Variants in COMMD5 observed in about 807,000 individuals in gnomAD.
The protein encoded by COMMD5 is COMM domain containing 5, also known as COMM domain-containing protein 5.
COMMD5 carries 10 observed loss-of-function variants against 6.9 expected under a neutral mutation model. That is an observed-to-expected ratio of 1.44 (90% CI 0.89 to 2.45). The LOEUF is 2.45. Among genes scored for constraint, COMMD5 ranks in the 30% most tolerant of loss-of-function variants. The pLI is 0.00. For missense variants in COMMD5, 234 were observed against 287.8 expected (o/e 0.81, Z 1.35); for synonymous variants, 127 against 125.3 (o/e 1.01, Z -0.09).
rs542013865 is a variant in COMMD5 at position 144,851,106 on chromosome 8, G to A, written c.233C>T (p.Pro78Leu). 10 of 1,612,008 alleles carry A rather than the reference G, an allele frequency of 6.2e-6. No individual in the cohort carries two copies. Among genetic ancestry groups the A allele is most frequent in the Admixed American group, 1.7e-5 (1 of 59,974 alleles). The stretch of plus-strand genomic sequence containing the variant: ...CAGCAGGGCACCCAGCTGCTCCTCC[G>A]GCAGGTTGGCGCTGACCCCAAGACG... The part of the protein sequence containing the change: ...VQRLGVSANL[P>L]EEQLGALLAG... The change falls in exon 2 of 2, where the codon CCG becomes CTG. Residue 78 changes from proline to leucine, a missense_variant. Pro to Leu is a moderately conservative substitution (Grantham distance 98). Coordinates refer to ENST00000305103, the MANE Select transcript of COMMD5 (RefSeq NM_014066.4).
Position 144,851,031 on chromosome 8 carries a change from C to A in COMMD5, c.308G>T (p.Ser103Ile), listed in dbSNP as rs1030080511. ...LQQALRLPPTSLKPDTFRDQL... is the reference protein window; with the variant it reads ...LQQALRLPPTILKPDTFRDQL... ...GTCCCTGAAGGTGTCAGGCTTCAGG[C>A]TGGTGGGGGGCAGACGGAGGGCCTG... Residue 103 changes from serine to isoleucine, a missense_variant, in exon 2 of 2, where the codon AGC (serine) becomes ATC (isoleucine). Physicochemically the swap from Ser to Ile is moderately radical, Grantham distance 142. Transcript: ENST00000305103. The A allele has an allele frequency of 1.2e-6, 2 of 1,612,618 alleles. No homozygotes were observed. Among genetic ancestry groups the A allele is most frequent in the Non-Finnish European group, 1.7e-6 (2 of 1,179,818 alleles).
rs1830722481 is a variant in COMMD5, at chr8:144,851,127, AG to A, written c.211del (p.Val73SerfsTer32). Reference protein sequence around the residue: ...GEDCREAVQRLGVSANLPEEQ... With the variant: ...GEDCREAVQRXGVSANLPEEQ... ...CTCCGGCAGGTTGGCGCTGACCCCA[AG>A]ACGCTGCACAGCCTCTCGGCAGTCC... On this transcript the variant is annotated frameshift_variant, in exon 2 of 2. Coordinates refer to ENST00000305103, the MANE Select transcript of COMMD5 (RefSeq NM_014066.4). LOFTEE classifies it high-confidence loss of function. 6.2e-7 allele frequency: 1 copy of A among 1,612,920 alleles called. No homozygotes were observed.
intron 1 of COMMD5, chr8:144,841,930 G>A (rs1829975402): frequency 6.2e-7 from 1 of 1,614,184 alleles, no homozygotes; most frequent in Non-Finnish European, 8.5e-7. Context: ...CCACACGGGA[G>A]AGAAACCCTT....
At chr8:144,839,261 C>G (rs190627835), downstream of COMMD5, among the ~76,000 whole-genome samples, 3 of 152,358 alleles carry the variant, frequency 2.0e-5, no homozygotes, top group African/African-American at 7.2e-5. Context: ...CTTCAAAGGA[C>G]AAGGAGGGTT....
intron 1 of COMMD5, 149 bp from the exon 2 acceptor site, chr8:144,851,544 G>GC: frequency 1.6e-6 from 1 of 625,918 alleles, no homozygotes; most frequent in Non-Finnish European, 2.7e-6. Flanking sequence ...GAAGCAGGTG[G>GC]CAGAGGGGTC....
In COMMD5 at chr8:144,851,321, A is replaced by C. The variant is rs768555326; in HGVS notation, c.18T>G (p.Ala6=). The C allele has an allele frequency of 1.4e-5, 23 of 1,609,580 alleles. 1 individual carries two copies. Among genetic ancestry groups the C allele is most frequent in the Non-Finnish European group, 1.4e-5 (16 of 1,176,846 alleles). The change falls in exon 2 of 2, where the codon GCT becomes GCG. Residue 6 remains alanine, a synonymous_variant. Transcript: ENST00000305103. ...CAGGATGATGCAGGTATGGAGTTGC[A>C]GCCCCCACAGCAGACATTGCTGCTG... is the stretch of plus-strand genomic sequence containing the variant. The part of the protein sequence containing the change: MSAVG[A]ATPYLHHPGD...
downstream of COMMD5, among the ~76,000 whole-genome samples, chr8:144,839,081 C>T (rs1192404449): frequency 1.2e-4 from 3 of 25,770 alleles, no homozygotes; most frequent in African/African-American, 4.8e-4. Context: ...GGGGCTGTGA[C>T]CTTACTTCCA....
At chr8:144,842,135 T>G (rs1830011706) in intron 1 of COMMD5, 1 of 1,613,988 alleles carries the variant, frequency 6.2e-7, no homozygotes, top group Admixed American at 1.7e-5. Context: ...GGGAAAGCCT[T>G]CAGCCAGCAG....
At chr8:144,838,316 G>A (rs1469671589), downstream of COMMD5, 2 of 585,448 alleles carry the variant, frequency 3.4e-6, no homozygotes, top group African/African-American at 3.7e-5. Flanking sequence ...TTCCAAACAA[G>A]GTCACATTCT....
At position 144,850,463 on chromosome 8, in the gene COMMD5, G is replaced by A; in HGVS notation, c.*201C>T. On this transcript the variant is annotated 3_prime_UTR_variant, in exon 2 of 2. Transcript: ENST00000305103. This position sits in a 1 kb window ranked among gnomAD's most constrained non-coding sequence, Gnocchi z 4.0. ...ACTCACCTATAGAAACATGTTTTTA[G>A]CTGCTTTACTTCCAAAAAGAAAAAA... 1.6e-6 allele frequency: 1 copy of A among 619,724 alleles called. No individual in the cohort carries two copies. The highest frequency in any genetic ancestry group is 2.7e-6 in the Non-Finnish European group (1 of 364,946). The allele number at this position is 619,724 out of a possible 1,614,324, so 38.4% of individuals were successfully genotyped here. A position where few individuals can be genotyped will look rare whatever the true frequency, so the allele number is the denominator to read the frequency against.
upstream of COMMD5, chr8:144,853,211 GTTTTT>G (rs111392496): frequency 1.4e-5 from 2 of 147,874 alleles, no homozygotes; most frequent in African/African-American, 4.9e-5. Flanking sequence ...GTCTTAGACA[GTTTTT>G]TTTTTTTCTT....
At chr8:144,838,203 G>C, downstream of COMMD5, 1 of 698,308 alleles carries the variant, frequency 1.4e-6, no homozygotes, top group Non-Finnish European at 2.6e-6. Context: ...CTCCCTGCGT[G>C]TCTGTGTTCA....
Position 144,851,073 on chromosome 8 carries a change from A to G in COMMD5, c.266T>C (p.Met89Thr), listed in dbSNP as rs748932588. 6.2e-6 allele frequency: 10 copies of G among 1,612,214 alleles called. No homozygotes were observed. The African/African-American group carries it at 6.7e-5, about 11-fold the overall frequency. ...GAGGGCCTGCTGGAGCAGTGTGTGCATGCCTGCCAGCAGGGCACCCAGCTG... is the reference window on the plus strand; with the variant it reads ...GAGGGCCTGCTGGAGCAGTGTGTGCGTGCCTGCCAGCAGGGCACCCAGCTG... ...EEQLGALLAG[M>T]HTLLQQALRL... is the part of the protein sequence containing the mutation. Residue 89 changes from methionine to threonine, a missense_variant, in exon 2 of 2, where the codon ATG becomes ACG. Coordinates refer to ENST00000305103, the MANE Select transcript of COMMD5 (RefSeq NM_014066.4).
downstream of COMMD5, chr8:144,847,107 C>T (rs1379556929): frequency 2.0e-5 from 3 of 152,230 alleles, no homozygotes; most frequent in Non-Finnish European, 4.4e-5. Flanking sequence ...CAAGCTACTG[C>T]ACAGCTTTGA....
rs547101397 is a variant in COMMD5 at position 144,843,154 on chromosome 8, A to G, written c.*117-1411T>C. On this transcript the variant is annotated intron_variant and NMD_transcript_variant, in intron 1 of 1. Coordinates refer to the COMMD5 transcript ENST00000530332. ...CTCAAGGCTTACCCAGCATCAAAAAATTCACATGGGATAGACCACTTACAT... is the reference window on the plus strand; with the variant it reads ...CTCAAGGCTTACCCAGCATCAAAAAGTTCACATGGGATAGACCACTTACAT... 66 of 1,590,312 alleles carry G rather than the reference A, an allele frequency of 4.2e-5. No individual in the cohort carries two copies. The highest frequency in any genetic ancestry group is 3.6e-4 in the Admixed American group (20 of 54,894).
At position 144,842,889 on chromosome 8, in the gene COMMD5, A is replaced by G. The variant is rs1830133918; in HGVS notation, c.*117-1146T>C. 3.1e-6 allele frequency: 5 copies of G among 1,613,786 alleles called. No individual in the cohort carries two copies. The South Asian group carries it at 3.3e-5, about 11-fold the overall frequency. The stretch of plus-strand genomic sequence containing the variant: ...GTGGAAAAGCCTTCAGCCGGAGCTC[A>G]TATCTTATTGAACACCAGAGAATAC... On this transcript the variant is annotated intron_variant and NMD_transcript_variant, in intron 1 of 1. Transcript: ENST00000530332.
intron 1 of COMMD5, 182 bp downstream of exon 1, chr8:144,852,657 G>A (rs1045289455): frequency 6.6e-6 from 1 of 152,294 alleles, no homozygotes; most frequent in African/African-American, 2.4e-5. Flanking sequence ...AGCCATCCGG[G>A]AAGGCCTCCG....
downstream of COMMD5, among the ~76,000 whole-genome samples, chr8:144,845,693 G>A (rs1830473437): frequency 1.3e-5 from 2 of 152,160 alleles, no homozygotes; most frequent in Non-Finnish European, 1.5e-5. Context: ...GGGGGAACCT[G>A]GAACTCCTGA....
At chr8:144,846,907 G>A (rs552250642), downstream of COMMD5, 7 of 152,112 alleles carry the variant, frequency 4.6e-5, no homozygotes, top group African/African-American at 1.7e-4. Context: ...CACTGTGTTA[G>A]CCAGCTGGTC....
Sources: allele counts gnomAD v4.1 joint callset (sites outside exome capture counted in the v4.1 genomes callset), GRCh38; gene constraint gnomAD v4.1.1; non-coding constraint Gnocchi (gnomAD v3.1); transcripts MANE v1.5; gene names NCBI Gene and HGNC (gene_info 2026-07-23, HGNC 2026-07-21).